The following RBFOX1 variants were observed in gnomAD, a reference collection of about 807,000 sequenced individuals.
The protein encoded by RBFOX1 is RNA binding fox-1 homolog 1.
A neutral mutation model predicts 57.7 loss-of-function variants in RBFOX1; 8 were observed. The observed-to-expected ratio is 0.14, with a 90% CI of 0.08 to 0.25. The LOEUF (loss-of-function observed/expected upper bound fraction) is 0.25, where lower values mean the gene tolerates loss of function less well. RBFOX1 is among the 10% of genes least tolerant of loss of function. RBFOX1 has a pLI of 1.00. For synonymous variants in RBFOX1, 326 were observed against 222.4 expected, an observed-to-expected ratio of 1.47 and a Z score of -4.15; for missense variants, 611 against 548.5, an observed-to-expected ratio of 1.11 and a Z score of -1.14.
intron 3 of RBFOX1, among the ~76,000 whole-genome samples, chr16:5,854,582 T>TCA (rs3041543): frequency 0.46 from 67,713 of 148,408 alleles, 15,691 homozygotes; most frequent in African/African-American, 0.58. Context: ...AAGCACACAT[T>TCA]CACACACACA....
intron 4 of RBFOX1, among the ~76,000 whole-genome samples, chr16:7,203,467 G>A (rs2089174793): frequency 6.6e-6 from 1 of 152,134 alleles, no homozygotes; most frequent in Non-Finnish European, 1.5e-5. Flanking sequence ...TGGTGGTGAT[G>A]GTTGCATAAC....
chr16:7,324,759 T>A (rs925507083), intron 4 of RBFOX1, among the ~76,000 whole-genome samples: 1 of 152,200 alleles, frequency 6.6e-6, no homozygotes, highest in African/African-American at 2.4e-5. Context: ...GGAATTTTCT[T>A]TGTGCATCTC....
At chr16:6,955,080 A>C (rs576465336) in intron 3 of RBFOX1, among the ~76,000 whole-genome samples, 2 of 114,104 alleles carry the variant, frequency 1.8e-5, no homozygotes, top group Admixed American at 9.4e-5. Flanking sequence ...AAAAAAAAAA[A>C]CACACAAAAA....
chr16:7,612,809 A>G (rs7191889), intron 10 of RBFOX1, among the ~76,000 whole-genome samples: 84,203 of 151,920 alleles, frequency 0.55, 24,915 homozygotes, highest in East Asian at 0.83. Flanking sequence ...TTGCCAGTAA[A>G]ATACACACTG....
At chr16:5,825,521 A>G (rs892812183) in intron 3 of RBFOX1, among the ~76,000 whole-genome samples, 3 of 152,198 alleles carry the variant, frequency 2.0e-5, no homozygotes, top group African/African-American at 7.2e-5. Context: ...ACTTGGATGG[A>G]AAAAATTATA....
chr16:6,844,301 C>T (rs948367330), intron 3 of RBFOX1, among the ~76,000 whole-genome samples: 3 of 152,210 alleles, frequency 2.0e-5, no homozygotes, highest in African/African-American at 7.2e-5. Flanking sequence ...ATCCCATCAC[C>T]TAGGTATTAA....
chr16:6,146,367 C>G (rs775874296), intron 1 of RBFOX1, among the ~76,000 whole-genome samples: 3 of 152,162 alleles, frequency 2.0e-5, no homozygotes, highest in Non-Finnish European at 4.4e-5. Flanking sequence ...GATTAGCCTC[C>G]AAAATTGTAG....
intron 1 of RBFOX1, among the ~76,000 whole-genome samples, chr16:6,193,373 T>TACAC (rs1491068377): frequency 6.7e-5 from 5 of 74,862 alleles, no homozygotes; most frequent in African/African-American, 2.3e-4. Flanking sequence ...TATATATATA[T>TACAC]ATACATTATA....
chr16:5,702,479 A>G (rs1036056620), intron 3 of RBFOX1, among the ~76,000 whole-genome samples: 3 of 152,218 alleles, frequency 2.0e-5, no homozygotes, highest in Non-Finnish European at 4.4e-5. Context: ...TTGGTAATCA[A>G]TTAGCTAGGC....
At chr16:7,557,872 C>A (rs975557009) in intron 5 of RBFOX1, among the ~76,000 whole-genome samples, 1 of 151,840 alleles carries the variant, frequency 6.6e-6, no homozygotes, top group African/African-American at 2.4e-5. Flanking sequence ...ATGGCCATTG[C>A]AAGATACCAA....
chr16:7,708,957 A>C, intron 14 of RBFOX1, 99 bp from the exon 15 acceptor site: 603 of 932,828 alleles, frequency 6.5e-4, no homozygotes, highest in Non-Finnish European at 9.6e-4. Flanking sequence ...GAAGATGAGT[A>C]GGGCCCCTGC....
intron 4 of RBFOX1, among the ~76,000 whole-genome samples, chr16:5,887,041 C>T (rs575421165): frequency 3.7e-4 from 57 of 152,274 alleles, no homozygotes; most frequent in African/African-American, 1.3e-3. Context: ...CCATCATTCC[C>T]GGCCTCTACT....
intron 2 of RBFOX1, among the ~76,000 whole-genome samples, chr16:5,492,155 A>G (rs2042856156): frequency 6.6e-6 from 1 of 152,200 alleles, no homozygotes; most frequent in Admixed American, 6.5e-5. Context: ...CCTCCAGGAC[A>G]TGCTGGTGCA....
At chr16:6,810,160 C>T (rs1477412813) in intron 3 of RBFOX1, among the ~76,000 whole-genome samples, 1 of 151,904 alleles carries the variant, frequency 6.6e-6, no homozygotes, top group Non-Finnish European at 1.5e-5. Flanking sequence ...ATAGGGATTA[C>T]GGATCACTCT....
At chr16:5,269,294 C>T (rs192575733) in intron 1 of RBFOX1, among the ~76,000 whole-genome samples, 1 of 152,358 alleles carries the variant, frequency 6.6e-6, no homozygotes, top group Admixed American at 6.5e-5. Context: ...TTCTGTTTCC[C>T]TGATGATGAA....
At chr16:7,073,346 G>A (rs933836893) in intron 4 of RBFOX1, among the ~76,000 whole-genome samples, 1 of 152,178 alleles carries the variant, frequency 6.6e-6, no homozygotes, top group Non-Finnish European at 1.5e-5. Flanking sequence ...GCCCATGACT[G>A]TAGACAAATC....
chr16:5,795,813 A>G (rs1465146665), intron 3 of RBFOX1, among the ~76,000 whole-genome samples: 1 of 152,144 alleles, frequency 6.6e-6, no homozygotes, highest in Non-Finnish European at 1.5e-5. Flanking sequence ...GTTTACATTC[A>G]TTGGGGAAGG....
intron 1 of RBFOX1, among the ~76,000 whole-genome samples, chr16:6,310,504 T>G (rs372705572): frequency 1.3e-5 from 2 of 152,184 alleles, no homozygotes; most frequent in Admixed American, 6.5e-5. Flanking sequence ...GCCAGGTAAT[T>G]TAGCTGTAGT....
chr16:5,959,889 A>T (rs994348213), intron 4 of RBFOX1, among the ~76,000 whole-genome samples: 1 of 152,156 alleles, frequency 6.6e-6, no homozygotes, highest in African/African-American at 2.4e-5. Context: ...TCCAGCTACC[A>T]ACAAGTGTTT....
Sources: allele counts gnomAD v4.1 joint callset (sites outside exome capture counted in the v4.1 genomes callset), GRCh38; gene constraint gnomAD v4.1.1; transcripts MANE v1.5; gene names NCBI Gene and HGNC (gene_info 2026-07-23, HGNC 2026-07-21).